RABGAP1: variants seen among roughly 807,000 people sequenced by gnomAD.
The protein encoded by RABGAP1 is RAB GTPase activating protein 1.
A neutral mutation model predicts 137.6 loss-of-function variants in RABGAP1; 23 were observed. That is an observed-to-expected ratio of 0.17 (90% CI 0.12 to 0.24). The LOEUF (loss-of-function observed/expected upper bound fraction) is 0.24, where lower values mean the gene tolerates loss of function less well. Ranked by LOEUF, RABGAP1 falls within the 10% of genes least tolerant of loss-of-function variation. The pLI is 1.00. For missense variants in RABGAP1, 906 were observed against 1,275.8 expected (o/e 0.71, Z 4.42); for synonymous variants, 451 against 450.7 (o/e 1.00, Z -0.01).
chr9:123,053,766 C>T (rs995485266), intron 13 of RABGAP1, among the ~76,000 whole-genome samples: 5 of 152,210 alleles, frequency 3.3e-5, no homozygotes, highest in African/African-American at 1.2e-4. Context: ...GCAAGCTACT[C>T]TGGAAATAAT....
intron 14 of RABGAP1, among the ~76,000 whole-genome samples, chr9:123,069,567 GTC>G (rs1399103946): frequency 1.0e-5 from 1 of 98,058 alleles, no homozygotes; most frequent in Non-Finnish European, 2.4e-5. Flanking sequence ...GTGAGACCCT[GTC>G]TCTATTAAAA....
At chr9:122,997,758 T>C (rs929485331) in intron 9 of RABGAP1, among the ~76,000 whole-genome samples, 6 of 152,228 alleles carry the variant, frequency 3.9e-5, no homozygotes, top group African/African-American at 1.4e-4. Flanking sequence ...CAGTTTCTTG[T>C]GTAGCTCTTC....
At chr9:122,975,103 C>T (rs752533296) in intron 2 of RABGAP1, among the ~76,000 whole-genome samples, 1 of 152,174 alleles carries the variant, frequency 6.6e-6, no homozygotes, top group Non-Finnish European at 1.5e-5. Context: ...GAACCATTTT[C>T]ATTTGTGTTT....
intron 13 of RABGAP1, chr9:123,035,421 A>G (rs1185900953): frequency 6.2e-7 from 1 of 1,614,170 alleles, no homozygotes; most frequent in South Asian, 1.1e-5. Context: ...ACCGCTTCGC[A>G]TCCTTCTTGA....
At chr9:122,946,570 A>C (rs1016644356) in intron 1 of RABGAP1, among the ~76,000 whole-genome samples, 2 of 152,194 alleles carry the variant, frequency 1.3e-5, no homozygotes, top group Non-Finnish European at 2.9e-5. Context: ...ATATAATCTG[A>C]CCTTGTGAAT....
At chr9:123,094,315 T>C (rs2035117121) in intron 21 of RABGAP1, among the ~76,000 whole-genome samples, 1 of 152,314 alleles carries the variant, frequency 6.6e-6, no homozygotes, top group East Asian at 1.9e-4. Flanking sequence ...TTCTGGACAT[T>C]AGCTGTAGGT....
At chr9:123,012,709 C>G (rs2030910774) in intron 11 of RABGAP1, among the ~76,000 whole-genome samples, 1 of 152,142 alleles carries the variant, frequency 6.6e-6, no homozygotes, top group Admixed American at 6.5e-5. Context: ...TCATGTTGTT[C>G]CCTAGCGTAT....
chr9:122,966,584 T>C (rs1457647498), intron 2 of RABGAP1, among the ~76,000 whole-genome samples: 1 of 152,058 alleles, frequency 6.6e-6, no homozygotes, highest in Non-Finnish European at 1.5e-5. Flanking sequence ...AATGTGAGTG[T>C]AGATATTGAA....
intron 2 of RABGAP1, among the ~76,000 whole-genome samples, chr9:122,980,330 G>T (rs1340534555): frequency 1.3e-5 from 2 of 152,060 alleles, no homozygotes; most frequent in African/African-American, 4.8e-5. Context: ...TCCTTATGTT[G>T]CCCAGGCTGG....
intron 1 of RABGAP1, among the ~76,000 whole-genome samples, chr9:122,950,621 C>T (rs1175605015): frequency 2.0e-5 from 3 of 152,140 alleles, no homozygotes; most frequent in Non-Finnish European, 2.9e-5. Context: ...GGTCTGTTTT[C>T]TCTACCACTG....
intron 13 of RABGAP1, among the ~76,000 whole-genome samples, chr9:123,056,424 G>C (rs2033696812): frequency 6.6e-6 from 1 of 151,904 alleles, no homozygotes. Context: ...TTTTCTGGAG[G>C]ACAAATTGGC....
upstream of RABGAP1, among the ~76,000 whole-genome samples, chr9:122,936,095 T>A (rs1833384267): frequency 6.6e-6 from 1 of 152,218 alleles, no homozygotes; most frequent in South Asian, 2.1e-4. Context: ...AGCTTAATTA[T>A]AATATATTTG....
intron 2 of RABGAP1, among the ~76,000 whole-genome samples, chr9:122,964,793 A>G (rs546664717): frequency 6.6e-6 from 1 of 152,284 alleles, no homozygotes; most frequent in East Asian, 1.9e-4. Context: ...GAGTTTGAGA[A>G]CAGCCTGGGC....
intron 16 of RABGAP1, 62 bp from the exon 17 acceptor site, chr9:123,074,223 C>A: frequency 1.9e-6 from 3 of 1,580,594 alleles, no homozygotes; most frequent in Non-Finnish European, 2.6e-6. Flanking sequence ...GATTTATGAG[C>A]CTCCTTAGTG....
At chr9:123,090,435 T>C in intron 21 of RABGAP1, 50 bp downstream of exon 21, 2 of 1,419,718 alleles carry the variant, frequency 1.4e-6, no homozygotes, top group Non-Finnish European at 1.9e-6. Flanking sequence ...CACTTGACTT[T>C]TCCCCTCAAG....
At chr9:123,093,637 A>T (rs1253143322) in intron 21 of RABGAP1, among the ~76,000 whole-genome samples, 2 of 152,222 alleles carry the variant, frequency 1.3e-5, no homozygotes, top group East Asian at 1.9e-4. Context: ...TGGCGGGTTC[A>T]CTTCTTGATT....
rs1836369846 is a variant in RABGAP1, at chr9:122,986,366, G to T, written c.537G>T (p.Gln179His). 6 of 1,614,028 alleles carry T rather than the reference G, an allele frequency of 3.7e-6. No homozygotes were observed. In the South Asian group the frequency reaches 6.6e-5, roughly 18 times the overall value. Residue 179 changes from glutamine to histidine, a missense_variant, in exon 4 of 26, where the codon CAG becomes CAT. Physicochemically the swap from Gln to His is conservative, Grantham distance 24. Coordinates refer to ENST00000373647, the MANE Select transcript of RABGAP1 (RefSeq NM_012197.4). ...TGTCCATCTTAAGAAGCCAGTGTCA[G>T]ATTTCACTAGATGTTACCCTTTCAG... The part of the protein sequence containing the change: ...RMMSILRSQC[Q>H]ISLDVTLSVP...
intron 2 of RABGAP1, among the ~76,000 whole-genome samples, chr9:122,959,807 G>GCTTC (rs1834755367): frequency 6.6e-6 from 1 of 152,140 alleles, no homozygotes; most frequent in Non-Finnish European, 1.5e-5. Flanking sequence ...GCCTGTTTCT[G>GCTTC]GCCAAGTGTG....
chr9:123,093,156 CAG>C (rs2132223412), intron 21 of RABGAP1, among the ~76,000 whole-genome samples: 1 of 152,264 alleles, frequency 6.6e-6, no homozygotes, highest in African/African-American at 2.4e-5. Flanking sequence ...TCCTGCATCT[CAG>C]AGAAAAGCTC....
Sources: gnomAD v4.1 joint callset for allele counts (sites outside exome capture counted in the v4.1 genomes callset) on GRCh38, gnomAD v4.1.1 for gene constraint, MANE v1.5 for transcripts, NCBI Gene and HGNC (gene_info 2026-07-23, HGNC 2026-07-21) for gene names.